Variants in PCDHA12 observed in about 807,000 individuals in gnomAD.
PCDHA12 encodes the protein protocadherin alpha 12, also known as protocadherin alpha-12.
A neutral mutation model predicts 60.0 loss-of-function variants in PCDHA12; 44 were observed. The ratio of observed to expected loss-of-function variants is 0.73; its 90% CI spans 0.58 to 0.94. The LOEUF (loss-of-function observed/expected upper bound fraction) is 0.94. Ranked by LOEUF, PCDHA12 falls within the 40% of genes least tolerant of loss-of-function variation. PCDHA12 has a pLI of 0.00. For missense variants in PCDHA12, 1,276 were observed against 1,239.7 expected (o/e 1.03, Z -0.44); for synonymous variants, 569 against 553.0 (o/e 1.03, Z -0.40).
At chr5:141,007,777 T>G (rs1467527710) in intron 3 of PCDHA12, among the ~76,000 whole-genome samples, 2 of 152,226 alleles carry the variant, frequency 1.3e-5, no homozygotes, top group Non-Finnish European at 2.9e-5. Flanking sequence ...GAAATGGTAC[T>G]GCTTTACAAA....
chr5:140,901,244 T>C (rs1166862455), intron 1 of PCDHA12, among the ~76,000 whole-genome samples: 3 of 152,212 alleles, frequency 2.0e-5, no homozygotes, highest in Non-Finnish European at 4.4e-5. Context: ...TTTTTTCCTT[T>C]GGTTCCCTGT....
chr5:140,927,897 T>A, intron 1 of PCDHA12: 1 of 1,614,204 alleles, frequency 6.2e-7, no homozygotes, highest in African/African-American at 1.3e-5. Flanking sequence ...ACGTGAACGA[T>A]CATGCCCCCG....
intron 3 of PCDHA12, among the ~76,000 whole-genome samples, chr5:140,987,711 T>C (rs2097265419): frequency 6.6e-6 from 1 of 152,208 alleles, no homozygotes; most frequent in South Asian, 2.1e-4. Flanking sequence ...TTTCCAGGTA[T>C]GAGTCTATCC....
At chr5:140,985,582 C>T (rs2097158950) in intron 3 of PCDHA12, among the ~76,000 whole-genome samples, 1 of 152,116 alleles carries the variant, frequency 6.6e-6, no homozygotes, top group Admixed American at 6.5e-5. Context: ...CCTAAGCCTC[C>T]TTATACTTGC....
At chr5:140,960,179 G>A (rs1379423809) in intron 1 of PCDHA12, among the ~76,000 whole-genome samples, 1 of 152,106 alleles carries the variant, frequency 6.6e-6, no homozygotes, top group Non-Finnish European at 1.5e-5. Flanking sequence ...TAAGTTAGGG[G>A]TTGCATGTGT....
In PCDHA12 at chr5:141,010,640, G is replaced by A. The variant is rs2098417874; in HGVS notation, c.*703G>A. The A allele has an allele frequency of 5.6e-6, 1 of 179,322 alleles. No homozygotes were observed. Among genetic ancestry groups the A allele is most frequent in the South Asian group, 1.4e-4 (1 of 7,048 alleles). 11.1% of individuals were successfully genotyped at this position (179,322 alleles called of 1,614,324 possible). A position where few individuals can be genotyped will look rare whatever the true frequency, so the allele number is the denominator to read the frequency against. On this transcript the variant is annotated 3_prime_UTR_variant, in exon 4 of 4. Transcript: ENST00000398631. ...TCTGCATCATACCTGCAAGCCAACA[G>A]TTCAGTGTTTTAACAGAGAACCACC...
chr5:140,929,465 A>G (rs2086179280), intron 1 of PCDHA12: 1 of 1,322,058 alleles, frequency 7.6e-7, no homozygotes, highest in African/African-American at 1.5e-5. Flanking sequence ...CTGTGCCAAG[A>G]AATCTGGAAG....
At chr5:140,888,503 T>C (rs1582952197) in intron 1 of PCDHA12, among the ~76,000 whole-genome samples, 1 of 152,132 alleles carries the variant, frequency 6.6e-6, no homozygotes, top group East Asian at 1.9e-4. Context: ...CTTTAAAGAG[T>C]CTTGGACTTA....
rs371960819 is a variant in PCDHA12, at chr5:140,928,197, T to C, written c.2367+50358T>C. The C allele has an allele frequency of 1.9e-5, 30 of 1,614,192 alleles. 1 individual carries two copies. In the African/African-American group the frequency reaches 2.0e-4, roughly 11 times the overall value. On this transcript the variant is annotated intron_variant, in intron 1 of 3. Coordinates refer to ENST00000398631, the MANE Select transcript of PCDHA12 (RefSeq NM_018903.4). Reference sequence around the variant, plus strand: ...CCCGAAGGACAATCACTGTGTCAGTTGCTGATGTGAATGACAATACACCAA... The same window carrying C: ...CCCGAAGGACAATCACTGTGTCAGTCGCTGATGTGAATGACAATACACCAA...
In PCDHA12 at chr5:140,883,707, A is replaced by G. The variant is rs565073045; in HGVS notation, c.2367+5868A>G. 6 of 1,613,636 alleles carry G rather than the reference A, an allele frequency of 3.7e-6. No individual in the cohort carries two copies. Among genetic ancestry groups the G allele is most frequent in the East Asian group, 4.5e-5 (2 of 44,860 alleles). On this transcript the variant is annotated intron_variant, in intron 1 of 3. Transcript: ENST00000398631. ...TGCCACATCTTCACGGTGTCTGCTC[A>G]GGACGCGGACGCACAGGAGAACGCG...
chr5:140,904,150 C>T (rs1005130566), intron 1 of PCDHA12, among the ~76,000 whole-genome samples: 1 of 152,036 alleles, frequency 6.6e-6, no homozygotes, highest in Non-Finnish European at 1.5e-5. Context: ...GTATACATTG[C>T]ACCCAGTTTG....
intron 1 of PCDHA12, among the ~76,000 whole-genome samples, chr5:140,899,416 G>T (rs1442946841): frequency 6.6e-6 from 1 of 152,148 alleles, no homozygotes; most frequent in Admixed American, 6.5e-5. Flanking sequence ...GTTGAATTTT[G>T]TCAAAGGTCT....
chr5:140,954,487 A>T (rs1585567544), intron 1 of PCDHA12, among the ~76,000 whole-genome samples: 1 of 152,120 alleles, frequency 6.6e-6, no homozygotes, highest in African/African-American at 2.4e-5. Flanking sequence ...AAGATATTTC[A>T]TTGTGGTTTT....
At chr5:140,983,767 A>C (rs550605597) in intron 3 of PCDHA12, among the ~76,000 whole-genome samples, 23 of 152,326 alleles carry the variant, frequency 1.5e-4, no homozygotes, top group African/African-American at 5.3e-4. Context: ...TCAAATACAT[A>C]TCTACATACA....
At chr5:140,966,246 G>T (rs184430396) in intron 1 of PCDHA12, 5 of 319,412 alleles carry the variant, frequency 1.6e-5, no homozygotes, top group African/African-American at 6.4e-5. Flanking sequence ...TTAAGCAGGG[G>T]AGAGACGGTG....
At chr5:141,009,494 A>T in intron 3 of PCDHA12, 133 bp from the exon 4 acceptor site, 1 of 1,488,918 alleles carries the variant, frequency 6.7e-7, no homozygotes, top group South Asian at 1.4e-5. Flanking sequence ...TTGCCCTCAG[A>T]CTTGAACAAA....
At chr5:140,893,229 G>A (rs922723551) in intron 1 of PCDHA12, among the ~76,000 whole-genome samples, 3 of 152,212 alleles carry the variant, frequency 2.0e-5, no homozygotes, top group Non-Finnish European at 4.4e-5. Context: ...GTATCACTTT[G>A]ACATACTGGT....
intron 1 of PCDHA12, chr5:140,966,883 T>A (rs155364): frequency 0.52 from 832,487 of 1,587,228 alleles, 220,297 homozygotes; most frequent in African/African-American, 0.71. Flanking sequence ...TACCTGGCCC[T>A]GCGGCCTCCC....
chr5:140,941,961 T>A (rs150142414), intron 1 of PCDHA12, among the ~76,000 whole-genome samples: 2 of 152,214 alleles, frequency 1.3e-5, no homozygotes, highest in African/African-American at 4.8e-5. Flanking sequence ...AACAATAGTA[T>A]CTTTACTTTC....
Sources: gnomAD v4.1 joint callset for allele counts (sites outside exome capture counted in the v4.1 genomes callset) on GRCh38, gnomAD v4.1.1 for gene constraint, MANE v1.5 for transcripts, NCBI Gene and HGNC (gene_info 2026-07-23, HGNC 2026-07-21) for gene names.